TRMT11: variants seen among roughly 807,000 people sequenced by gnomAD.
TRMT11 encodes tRNA methyltransferase 11, also known as tRNA (guanine(10)-N(2))-methyltransferase TRMT11.
In TRMT11, 53 loss-of-function variants were observed where a neutral mutation model predicts 62.8. The ratio of observed to expected loss-of-function variants is 0.84; its 90% CI spans 0.68 to 1.06. The LOEUF (loss-of-function observed/expected upper bound fraction) is 1.06. Ranked by LOEUF, TRMT11 falls within the 50% of genes least tolerant of loss-of-function variation. The probability of loss-of-function intolerance (pLI) is 0.00; values close to 1 mark genes in which losing one functional copy is unlikely to be tolerated. For synonymous variants in TRMT11, 188 were observed against 190.3 expected, an observed-to-expected ratio of 0.99 and a Z score of 0.10; for missense variants, 556 against 553.4, an observed-to-expected ratio of 1.00 and a Z score of -0.05.
the TRMT11 span, among the ~76,000 whole-genome samples, chr6:126,252,279 A>AT: frequency 2.6e-5 from 4 of 152,162 alleles, no homozygotes; most frequent in African/African-American, 9.7e-5. Context: ...CATGTCTGGT[A>AT]TGTGACTTGG....
intron 16 of TRMT11, among the ~76,000 whole-genome samples, chr6:126,046,068 A>G (rs994116028): frequency 1.3e-5 from 2 of 152,130 alleles, no homozygotes; most frequent in Non-Finnish European, 2.9e-5. Context: ...AAGGCGACCT[A>G]CTGAAGAATG....
the TRMT11 span, among the ~76,000 whole-genome samples, chr6:126,268,420 A>G: frequency 6.6e-6 from 1 of 152,166 alleles, no homozygotes; most frequent in African/African-American, 2.4e-5. Context: ...TCAAAATAAC[A>G]ATGTGGGAGC....
downstream of TRMT11, among the ~76,000 whole-genome samples, chr6:126,202,541 G>C (rs184538826): frequency 0.019 from 2,919 of 152,178 alleles, 34 homozygotes; most frequent in South Asian, 0.033. Flanking sequence ...CAAACCAAAA[G>C]CAATAGAAAA....
the TRMT11 span, among the ~76,000 whole-genome samples, chr6:126,240,570 G>C: frequency 6.6e-6 from 1 of 152,202 alleles, no homozygotes; most frequent in African/African-American, 2.4e-5. Flanking sequence ...TCCTCTGGAA[G>C]TTTTGTCTCA....
intron 11 of TRMT11, among the ~76,000 whole-genome samples, chr6:126,017,540 C>G (rs2127967141): frequency 6.6e-6 from 1 of 152,320 alleles, no homozygotes; most frequent in Middle Eastern, 3.4e-3. Flanking sequence ...TCAAGATACT[C>G]TGTGCATTTT....
intron 12 of TRMT11, among the ~76,000 whole-genome samples, chr6:126,031,178 A>G (rs963172224): frequency 2.0e-5 from 3 of 152,156 alleles, no homozygotes; most frequent in African/African-American, 7.2e-5. Flanking sequence ...TACTAAATGT[A>G]AGAATTGAGG....
chr6:126,248,495 G>T, the TRMT11 span, among the ~76,000 whole-genome samples: 9 of 151,668 alleles, frequency 5.9e-5, no homozygotes, highest in Non-Finnish European at 1.5e-5. Flanking sequence ...AATTGTAAAA[G>T]ATAACAAGAA....
chr6:126,160,424 A>G (rs552295995), intron 21 of TRMT11, among the ~76,000 whole-genome samples: 10 of 152,120 alleles, frequency 6.6e-5, no homozygotes, highest in Non-Finnish European at 1.3e-4. Context: ...TTTACGTGAA[A>G]GAAGAGTCAC....
In TRMT11 at chr6:126,046,122, C is replaced by T. The variant is rs368404891; in HGVS notation, c.*1369+5277C>T. 3.2e-4 allele frequency among the ~76,000 whole-genome samples: 48 copies of T among 152,146 alleles called. No individual in the cohort carries two copies. The East Asian group carries it at 4.6e-3, about 15-fold the overall frequency. On this transcript the variant is annotated intron_variant and NMD_transcript_variant, in intron 16 of 22. Transcript: ENST00000648977. ...TTCTAGATAAATTCTTGGAGTTGGC[C>T]CCCCAACCTTGGAAAAGTGCTCTAC...
At chr6:125,994,974 G>A (rs2128749079) in intron 2 of TRMT11, among the ~76,000 whole-genome samples, 1 of 152,260 alleles carries the variant, frequency 6.6e-6, no homozygotes, top group Non-Finnish European at 1.5e-5. Context: ...ACTGGAGCCT[G>A]TTGGGGGTGG....
At chr6:126,071,220 TG>T (rs375405652) in intron 17 of TRMT11, among the ~76,000 whole-genome samples, 92 of 151,828 alleles carry the variant, frequency 6.1e-4, no homozygotes, top group African/African-American at 2.1e-3. Context: ...CCTGTTTCCT[TG>T]GGGGGGTGGG....
chr6:126,078,664 G>A (rs898954838), intron 17 of TRMT11, among the ~76,000 whole-genome samples: 2 of 152,120 alleles, frequency 1.3e-5, no homozygotes, highest in Admixed American at 1.3e-4. Flanking sequence ...CATGCACGTA[G>A]CCCCATCAGA....
chr6:126,255,865 T>G, the TRMT11 span, among the ~76,000 whole-genome samples: 2 of 152,208 alleles, frequency 1.3e-5, no homozygotes, highest in Non-Finnish European at 2.9e-5. Context: ...TTGGGGCCTC[T>G]GTATTAGTTA....
chr6:126,240,913 C>A, the TRMT11 span, among the ~76,000 whole-genome samples: 1 of 152,238 alleles, frequency 6.6e-6, no homozygotes, highest in Non-Finnish European at 1.5e-5. Flanking sequence ...CAATGGTGGG[C>A]ACCCCTCCCC....
intron 17 of TRMT11, among the ~76,000 whole-genome samples, chr6:126,059,615 C>T (rs1474992872): frequency 6.6e-6 from 1 of 152,030 alleles, no homozygotes; most frequent in Non-Finnish European, 1.5e-5. Context: ...ATTTTATGTC[C>T]TAGGAATTAT....
intron 21 of TRMT11, among the ~76,000 whole-genome samples, chr6:126,163,132 G>A (rs902730741): frequency 6.6e-6 from 1 of 152,136 alleles, no homozygotes; most frequent in African/African-American, 2.4e-5. Context: ...TCCTTGCCTT[G>A]TGCTGGTTTT....
rs551110376 is a variant in TRMT11, at chr6:126,036,573, T to C, written c.1261-2132T>C. Among the ~76,000 whole-genome samples, 4 of 152,194 alleles carry C rather than the reference T, an allele frequency of 2.6e-5. No homozygotes were observed. In the East Asian group the frequency reaches 7.7e-4, roughly 29 times the overall value. Reference sequence around the variant, plus strand: ...ATTTGACGCAGGTTTCTGATTTTGATGACTGGATGGGGAACAATGCCAAGA... The same window carrying C: ...ATTTGACGCAGGTTTCTGATTTTGACGACTGGATGGGGAACAATGCCAAGA... On this transcript the variant is annotated intron_variant, in intron 12 of 12. Coordinates refer to ENST00000334379, the MANE Select transcript of TRMT11 (RefSeq NM_001031712.3).
downstream of TRMT11, among the ~76,000 whole-genome samples, chr6:126,043,265 C>G (rs1437881726): frequency 7.1e-6 from 1 of 140,766 alleles, no homozygotes; most frequent in South Asian, 2.3e-4. Flanking sequence ...CATGTGTTCT[C>G]ATTGTTCAAT....
chr6:126,018,874 A>T (rs1795373076), intron 11 of TRMT11, among the ~76,000 whole-genome samples: 1 of 151,824 alleles, frequency 6.6e-6, no homozygotes, highest in African/African-American at 2.4e-5. Flanking sequence ...GAATAATTTT[A>T]TTTTACTTTA....
Sources: gnomAD v4.1 joint callset for allele counts (sites outside exome capture counted in the v4.1 genomes callset) on GRCh38, gnomAD v4.1.1 for gene constraint, MANE v1.5 for transcripts, NCBI Gene and HGNC (gene_info 2026-07-23, HGNC 2026-07-21) for gene names.